The following ALOX5 variants were observed in gnomAD, a reference collection of about 807,000 sequenced individuals.
ALOX5 encodes the protein polyunsaturated fatty acid 5-lipoxygenase.
In ALOX5, 64 loss-of-function variants were observed where a neutral mutation model predicts 87.9. That is an observed-to-expected ratio of 0.73 (90% CI 0.60 to 0.90). ALOX5 has a LOEUF of 0.90. ALOX5 is among the 40% of genes least tolerant of loss of function. ALOX5 has a pLI of 0.00. For synonymous variants in ALOX5, 388 were observed against 355.1 expected, an observed-to-expected ratio of 1.09 and a Z score of -1.04; for missense variants, 822 against 907.5, an observed-to-expected ratio of 0.91 and a Z score of 1.21.
intron 2 of ALOX5, among the ~76,000 whole-genome samples, chr10:45,389,654 G>C (rs1477084507): frequency 6.6e-6 from 1 of 152,170 alleles, no homozygotes; most frequent in African/African-American, 2.4e-5. Flanking sequence ...GAGAGATTTT[G>C]TCACCACCAG....
At chr10:45,440,861 C>A (rs1174544579) in intron 8 of ALOX5, among the ~76,000 whole-genome samples, 1 of 152,234 alleles carries the variant, frequency 6.6e-6, no homozygotes, top group Non-Finnish European at 1.5e-5. Context: ...ACGGGCCTCG[C>A]TGGCCAGCCA....
intron 4 of ALOX5, 38 bp from the exon 5 acceptor site, chr10:45,424,003 G>T: frequency 2.0e-6 from 3 of 1,517,892 alleles, no homozygotes; most frequent in Non-Finnish European, 2.7e-6. Flanking sequence ...GGGAGGCATG[G>T]CTAGTGTGCG....
intron 9 of ALOX5, chr10:45,442,809 C>T (rs777440018): frequency 1.8e-6 from 1 of 541,066 alleles, no homozygotes; most frequent in Non-Finnish European, 3.2e-6. Context: ...TGCAGCCCCA[C>T]GGTTCAGTCC....
At chr10:45,421,687 C>T (rs1841514199) in intron 4 of ALOX5, among the ~76,000 whole-genome samples, 2 of 152,230 alleles carry the variant, frequency 1.3e-5, no homozygotes, top group African/African-American at 4.8e-5. Flanking sequence ...CCACAGCAGC[C>T]TCCCTGGAAG....
intron 2 of ALOX5, among the ~76,000 whole-genome samples, chr10:45,385,906 TC>T (rs1311636241): frequency 6.6e-6 from 1 of 152,142 alleles, no homozygotes; most frequent in African/African-American, 2.4e-5. Context: ...ACTAACTGCG[TC>T]CAGGTCTGCA....
At chr10:45,436,296 C>T (rs772802222) in intron 7 of ALOX5, among the ~76,000 whole-genome samples, 1 of 152,074 alleles carries the variant, frequency 6.6e-6, no homozygotes, top group Non-Finnish European at 1.5e-5. Context: ...GTTGCATATG[C>T]CTTTGAGGTC....
At position 45,440,576 on chromosome 10, in the gene ALOX5, T is replaced by C. The variant is rs1470358502; in HGVS notation, c.1128T>C (p.Ser376=). ...ITHLLRTHLV[S]EVFGIAMYRQ... The stretch of plus-strand genomic sequence containing the variant: ...ACCTTCTGCGAACACATCTGGTGTC[T>C]GAGGTTTTTGGCATTGCAATGTACC... Residue 376 remains serine (S), a synonymous_variant, in exon 8 of 14, where the codon TCT becomes TCC. Transcript: ENST00000374391. 7 of 1,614,052 alleles carry C rather than the reference T, an allele frequency of 4.3e-6. No homozygotes were observed. The highest frequency in any genetic ancestry group is 1.7e-5 in the Admixed American group (1 of 60,000).
At position 45,444,135 on chromosome 10, in the gene ALOX5, TC is replaced by T; in HGVS notation, c.1698del (p.Asn567MetfsTer17). The stretch of plus-strand genomic sequence containing the variant: ...CCGCAGTACGACTGGTGCTCCTGGA[TC>T]CCCAATGCGCCCCCAACCATGCGAG... ...NFGQYDWCSWIPNAPPTMRAP... is the reference protein window; with the variant it reads ...NFGQYDWCSWXPNAPPTMRAP... On this transcript the variant is annotated frameshift_variant, in exon 13 of 14. Transcript: ENST00000374391. LOFTEE classifies it high-confidence loss of function. 1 of 1,547,438 alleles carries T rather than the reference TC, an allele frequency of 6.5e-7. No individual in the cohort carries two copies. The highest frequency in any genetic ancestry group is 8.7e-7 in the Non-Finnish European group (1 of 1,144,490).
intron 3 of ALOX5, among the ~76,000 whole-genome samples, chr10:45,402,086 CAAAAAA>C (rs10649706): frequency 0.016 from 1,570 of 101,116 alleles, 32 homozygotes; most frequent in African/African-American, 0.057. Flanking sequence ...GACTCCGTCT[CAAAAAA>C]AAAAAAAAAA....
At chr10:45,412,423 A>C in intron 4 of ALOX5, 110 bp downstream of exon 4, 14 of 1,417,380 alleles carry the variant, frequency 9.9e-6, no homozygotes, top group Non-Finnish European at 1.3e-5. Flanking sequence ...GGAACAGCCT[A>C]GCTGAGCCAA....
intron 1 of ALOX5, among the ~76,000 whole-genome samples, chr10:45,375,027 C>T (rs1839547305): frequency 6.6e-6 from 1 of 152,176 alleles, no homozygotes; most frequent in African/African-American, 2.4e-5. Flanking sequence ...GGAGGGTTGG[C>T]TTCAGTCTGG....
intron 3 of ALOX5, among the ~76,000 whole-genome samples, chr10:45,396,971 A>G (rs922344904): frequency 3.9e-5 from 6 of 152,254 alleles, no homozygotes; most frequent in Non-Finnish European, 5.9e-5. Context: ...AACAAAGTAC[A>G]TAATCATTTC....
At chr10:45,412,051 C>G in intron 3 of ALOX5, 140 bp from the exon 4 acceptor site, 1 of 1,248,158 alleles carries the variant, frequency 8.0e-7, no homozygotes, top group African/African-American at 1.5e-5. Flanking sequence ...GACACAGGGT[C>G]AGCCTATGAT....
chr10:45,384,473 T>C (rs1014700058), intron 2 of ALOX5, among the ~76,000 whole-genome samples: 8 of 152,238 alleles, frequency 5.3e-5, no homozygotes, highest in Admixed American at 3.9e-4. Flanking sequence ...AGTTCATCTG[T>C]GGCCATGTAG....
intron 6 of ALOX5, among the ~76,000 whole-genome samples, chr10:45,427,231 A>C (rs2132813380): frequency 6.6e-6 from 1 of 152,314 alleles, no homozygotes; most frequent in South Asian, 2.1e-4. Flanking sequence ...AGATTGGATT[A>C]GCAGCCATTC....
At chr10:45,400,311 G>A (rs562943596) in intron 3 of ALOX5, among the ~76,000 whole-genome samples, 5 of 152,136 alleles carry the variant, frequency 3.3e-5, no homozygotes, top group Non-Finnish European at 5.9e-5. Context: ...CATCAAAAAG[G>A]AATGAATGCC....
At chr10:45,441,914 C>T (rs1366503616) in intron 9 of ALOX5, among the ~76,000 whole-genome samples, 1 of 152,142 alleles carries the variant, frequency 6.6e-6, no homozygotes, top group African/African-American at 2.4e-5. Flanking sequence ...AGGTAGCACC[C>T]CACCTCGTTT....
chr10:45,374,655 G>T (rs1839523465), intron 1 of ALOX5, among the ~76,000 whole-genome samples: 1 of 151,760 alleles, frequency 6.6e-6, no homozygotes, highest in African/African-American at 2.4e-5. Context: ...ACCCCTCGCG[G>T]CGGCCGCGAC....
chr10:45,391,349 C>G (rs2132702660), intron 2 of ALOX5, among the ~76,000 whole-genome samples: 1 of 152,340 alleles, frequency 6.6e-6, no homozygotes, highest in African/African-American at 2.4e-5. Context: ...CCAGCCTCGG[C>G]CTCCCGAGGT....
Sources: allele counts gnomAD v4.1 joint callset (sites outside exome capture counted in the v4.1 genomes callset), GRCh38; gene constraint gnomAD v4.1.1; transcripts MANE v1.5; gene names NCBI Gene and HGNC (gene_info 2026-07-23, HGNC 2026-07-21).